The following SIPA1L1 variants were observed in gnomAD, a reference collection of about 807,000 sequenced individuals.
SIPA1L1 encodes the protein signal-induced proliferation-associated 1-like protein 1.
Under a neutral mutation model 162.7 loss-of-function variants are expected in SIPA1L1, and 26 were observed. The ratio of observed to expected loss-of-function variants is 0.16; its 90% confidence interval spans 0.12 to 0.22. The LOEUF (loss-of-function observed/expected upper bound fraction) is 0.22, where lower values mean the gene tolerates loss of function less well. SIPA1L1 is among the 10% of genes least tolerant of loss of function. The probability of loss-of-function intolerance (pLI) is 1.00; values close to 1 mark genes in which losing one functional copy is unlikely to be tolerated. For missense variants in SIPA1L1, 1,874 were observed against 2,241.0 expected, an observed-to-expected ratio of 0.84 and a Z score of 3.31; for synonymous variants, 829 against 837.4, an observed-to-expected ratio of 0.99 and a Z score of 0.17.
intron 16 of SIPA1L1, among the ~76,000 whole-genome samples, chr14:71,707,924 A>AGTG (rs2082572906): frequency 6.6e-6 from 1 of 151,710 alleles, no homozygotes; most frequent in Admixed American, 6.6e-5. Context: ...TTATAGCCAA[A>AGTG]GTGGCATCTC....
At chr14:71,658,509 T>A in intron 9 of SIPA1L1, 73 bp downstream of exon 9, 1 of 980,120 alleles carries the variant, frequency 1.0e-6, no homozygotes, top group Non-Finnish European at 1.6e-6. Context: ...GGCAAGTTTG[T>A]AAAATCTTAA....
chr14:71,640,556 G>A (rs2148905887), intron 7 of SIPA1L1, among the ~76,000 whole-genome samples: 1 of 152,300 alleles, frequency 6.6e-6, no homozygotes, highest in Non-Finnish European at 1.5e-5. Flanking sequence ...ATAGGGCTTT[G>A]GAGGTTACAA....
At chr14:71,381,528 A>C (rs2039903916) in intron 2 of SIPA1L1, among the ~76,000 whole-genome samples, 1 of 152,242 alleles carries the variant, frequency 6.6e-6, no homozygotes, top group Non-Finnish European at 1.5e-5. Context: ...AGAGTTATAT[A>C]ACTGAATGTT....
chr14:71,411,291 C>T (rs1184127299), intron 2 of SIPA1L1, among the ~76,000 whole-genome samples: 1 of 152,142 alleles, frequency 6.6e-6, no homozygotes, highest in East Asian at 1.9e-4. Context: ...TAAAGACTTA[C>T]TTAAATCTAG....
chr14:71,645,896 C>A (rs1479349086), intron 7 of SIPA1L1, among the ~76,000 whole-genome samples: 3 of 152,176 alleles, frequency 2.0e-5, no homozygotes, highest in Admixed American at 6.5e-5. Context: ...AATGAAATAC[C>A]TCATAGTGAC....
At chr14:71,679,384 T>C (rs2045551001) in intron 12 of SIPA1L1, among the ~76,000 whole-genome samples, 2 of 152,172 alleles carry the variant, frequency 1.3e-5, no homozygotes, top group Non-Finnish European at 1.5e-5. Context: ...AAGCAAATGC[T>C]GAGAGATTTT....
intron 7 of SIPA1L1, among the ~76,000 whole-genome samples, chr14:71,627,392 C>A (rs554168894): frequency 2.5e-4 from 38 of 151,796 alleles, no homozygotes; most frequent in Non-Finnish European, 5.6e-4. Flanking sequence ...GGTGATCCAC[C>A]CTCCTTGGCC....
chr14:71,582,437 T>C (rs1307990081), intron 4 of SIPA1L1, among the ~76,000 whole-genome samples: 1 of 152,194 alleles, frequency 6.6e-6, no homozygotes, highest in Admixed American at 6.6e-5. Flanking sequence ...TTGTGTTCTT[T>C]CCTTCACCTT....
At chr14:71,683,021 G>C (rs1437441125) in intron 12 of SIPA1L1, among the ~76,000 whole-genome samples, 1 of 152,174 alleles carries the variant, frequency 6.6e-6, no homozygotes, top group African/African-American at 2.4e-5. Context: ...GAGCGTGGCA[G>C]TGCACACCTG....
rs372689016 is a variant in SIPA1L1 at position 71,672,916 on chromosome 14, C to T, written c.3104+294C>T. Reference sequence around the variant, plus strand: ...GGTAATATCTATCTTAAGAATTTTCCACTGGGAGCTGAGAAACATTGAACA... The same window carrying T: ...GGTAATATCTATCTTAAGAATTTTCTACTGGGAGCTGAGAAACATTGAACA... On this transcript the variant is annotated intron_variant, in intron 12 of 23. Coordinates refer to ENST00000381232, the MANE Select transcript of SIPA1L1 (RefSeq NM_001386936.1). Among the ~76,000 whole-genome samples the T allele has an allele frequency of 2.4e-4, 37 of 152,290 alleles. No individual in the cohort carries two copies. In the East Asian group the frequency reaches 6.0e-3, roughly 25 times the overall value.
chr14:71,627,603 C>T (rs1255302725), intron 7 of SIPA1L1, among the ~76,000 whole-genome samples: 1 of 152,162 alleles, frequency 6.6e-6, no homozygotes, highest in Non-Finnish European at 1.5e-5. Context: ...ACTTACAGTA[C>T]AGTTGGGGGC....
At chr14:71,705,412 C>T in intron 16 of SIPA1L1, 72 bp downstream of exon 16, 2 of 1,097,654 alleles carry the variant, frequency 1.8e-6, no homozygotes, top group African/African-American at 3.1e-5. Flanking sequence ...TGAAAATGCT[C>T]TGCTCTTTCC....
In SIPA1L1 at chr14:71,685,629, G is replaced by T; in HGVS notation, c.3372G>T (p.Arg1124Ser). Reference sequence around the variant, plus strand: ...CCAGTGACGGGCGCCCACTAGAGAGGCGGTAAGTGTGCCTTCAAAGGTTTG... The same window carrying T: ...CCAGTGACGGGCGCCCACTAGAGAGTCGGTAAGTGTGCCTTCAAAGGTTTG... Reference protein sequence around the residue: ...SISSDGRPLERRLSPGSDIYV... With the variant: ...SISSDGRPLESRLSPGSDIYV... Residue 1124 changes from arginine to serine, a missense_variant and splice_region_variant, in exon 13 of 24, where the codon AGG (arginine) becomes AGT (serine). Coordinates refer to ENST00000381232, the MANE Select transcript of SIPA1L1 (RefSeq NM_001386936.1). 3 of 1,613,900 alleles carry T rather than the reference G, an allele frequency of 1.9e-6. No individual in the cohort carries two copies. The highest frequency in any genetic ancestry group is 2.5e-6 in the Non-Finnish European group (3 of 1,179,866).
intron 22 of SIPA1L1, 31 bp from the exon 23 acceptor site, chr14:71,738,210 G>C: frequency 8.1e-7 from 1 of 1,237,204 alleles, no homozygotes; most frequent in Non-Finnish European, 1.2e-6. Context: ...GGAGGCCCCT[G>C]CCAACATGGT....
chr14:71,379,277 A>G (rs550894346), intron 2 of SIPA1L1, among the ~76,000 whole-genome samples: 15 of 149,604 alleles, frequency 1.0e-4, no homozygotes, highest in African/African-American at 3.4e-4. Context: ...ACTTACTTAC[A>G]TTACATTAAG....
At chr14:71,380,884 T>C (rs560639401) in intron 2 of SIPA1L1, among the ~76,000 whole-genome samples, 3 of 152,320 alleles carry the variant, frequency 2.0e-5, no homozygotes, top group African/African-American at 4.8e-5. Flanking sequence ...GCAACACTTA[T>C]ATGCTGCCCA....
intron 2 of SIPA1L1, among the ~76,000 whole-genome samples, chr14:71,375,419 C>T (rs1332526155): frequency 6.6e-6 from 1 of 152,062 alleles, no homozygotes; most frequent in Non-Finnish European, 1.5e-5. Context: ...TAAGAATATA[C>T]TTGATTTTTT....
intron 2 of SIPA1L1, among the ~76,000 whole-genome samples, chr14:71,470,287 A>C (rs1418052614): frequency 6.6e-6 from 1 of 152,180 alleles, no homozygotes; most frequent in East Asian, 1.9e-4. Flanking sequence ...ACACGTTTGC[A>C]AAAGAAAGAA....
chr14:71,574,906 T>TA (rs1231282176), intron 4 of SIPA1L1: 1 of 152,120 alleles, frequency 6.6e-6, no homozygotes, highest in Non-Finnish European at 1.5e-5. Context: ...AAGTTAGGCA[T>TA]AAAATGTATG....
Sources: gnomAD v4.1 joint callset for allele counts (sites outside exome capture counted in the v4.1 genomes callset) on GRCh38, gnomAD v4.1.1 for gene constraint, MANE v1.5 for transcripts, NCBI Gene and HGNC (gene_info 2026-07-23, HGNC 2026-07-21) for gene names.